MECR: variants seen among roughly 807,000 people sequenced by gnomAD.
MECR encodes mitochondrial trans-2-enoyl-CoA reductase, also known as enoyl-[acyl-carrier-protein] reductase, mitochondrial.
In MECR, 37 loss-of-function variants were observed where a neutral mutation model predicts 49.1. The observed-to-expected ratio is 0.75, with a 90% CI of 0.58 to 0.99. MECR has a LOEUF of 0.99. Ranked by LOEUF, MECR falls within the 50% of genes least tolerant of loss-of-function variation. The probability of loss-of-function intolerance (pLI) is 0.00; values close to 1 mark genes in which losing one functional copy is unlikely to be tolerated. For synonymous variants in MECR, 198 were observed against 191.1 expected (o/e 1.04, Z -0.30); for missense variants, 470 against 479.6 (o/e 0.98, Z 0.19).
At chr1:29,183,125 T>TAC in the MECR span, among the ~76,000 whole-genome samples, 1 of 152,250 alleles carries the variant, frequency 6.6e-6, no homozygotes. Flanking sequence ...ACCAGCCACT[T>TAC]AGTTTCTCTT....
chr1:29,187,355 G>C, the MECR span, among the ~76,000 whole-genome samples: 2 of 151,844 alleles, frequency 1.3e-5, no homozygotes, highest in African/African-American at 4.8e-5. Flanking sequence ...TGGGACTACA[G>C]GCATGAGCCA....
At chr1:29,170,294 A>G in the MECR span, 1 of 152,228 alleles carries the variant, frequency 6.6e-6, no homozygotes, top group Non-Finnish European at 1.5e-5. Context: ...ATTTAGAATA[A>G]AACTCTTGGG....
the MECR span, chr1:29,170,589 C>T: frequency 1.1e-4 from 16 of 152,058 alleles, no homozygotes; most frequent in African/African-American, 3.1e-4. Flanking sequence ...GATGCCACTC[C>T]CTATGCTTTT....
intron 3 of MECR, among the ~76,000 whole-genome samples, chr1:29,215,115 G>A (rs1036625576): frequency 1.1e-4 from 17 of 152,180 alleles, no homozygotes; most frequent in East Asian, 1.9e-4. Flanking sequence ...CTGGGCTCAC[G>A]TGATTGAACC....
downstream of MECR, among the ~76,000 whole-genome samples, chr1:29,190,840 C>T (rs115423512): frequency 0.019 from 2,811 of 151,876 alleles, 40 homozygotes; most frequent in South Asian, 0.035. Context: ...GAAACTGACG[C>T]CTAACACCTC....
chr1:29,192,314 A>G (rs1346815273), downstream of MECR, among the ~76,000 whole-genome samples: 1 of 151,452 alleles, frequency 6.6e-6, no homozygotes, highest in Non-Finnish European at 1.5e-5. Context: ...AGGCCTCTAA[A>G]CTCTCATGTG....
chr1:29,190,253 T>C (rs573381121), downstream of MECR, among the ~76,000 whole-genome samples: 23 of 152,138 alleles, frequency 1.5e-4, no homozygotes, highest in South Asian at 4.8e-3. Flanking sequence ...CAGGCGCCTG[T>C]AGTCCCAGCT....
At chr1:29,219,172 T>C (rs1680180885) in intron 1 of MECR, among the ~76,000 whole-genome samples, 1 of 152,196 alleles carries the variant, frequency 6.6e-6, no homozygotes, top group South Asian at 2.1e-4. Flanking sequence ...CAGATAGTGA[T>C]GTTTCACTCT....
the MECR span, among the ~76,000 whole-genome samples, chr1:29,182,641 TCAAGCGA>T: frequency 1.7e-4 from 26 of 152,192 alleles, no homozygotes; most frequent in South Asian, 5.4e-3. Flanking sequence ...CCTCCCGGGT[TCAAGCGA>T]TTCTCCTGCC....
chr1:29,226,512 G>A (rs1200668140), intron 1 of MECR, among the ~76,000 whole-genome samples: 1 of 152,122 alleles, frequency 6.6e-6, no homozygotes, highest in Admixed American at 6.6e-5. Flanking sequence ...CAGAAGGATC[G>A]CTTGAGCTGA....
the MECR span, among the ~76,000 whole-genome samples, chr1:29,179,964 A>G: frequency 1.3e-5 from 2 of 152,358 alleles, no homozygotes; most frequent in Non-Finnish European, 2.9e-5. Flanking sequence ...CCTGAGTAAC[A>G]TTAGAAAAGA....
downstream of MECR, among the ~76,000 whole-genome samples, chr1:29,191,164 G>A (rs140694551): frequency 6.6e-5 from 10 of 152,216 alleles, no homozygotes; most frequent in Non-Finnish European, 1.0e-4. Context: ...CATTCTGCAC[G>A]TTCCTCCAGA....
At chr1:29,203,363 G>T in intron 4 of MECR, 130 bp from the exon 5 acceptor site, 1 of 637,230 alleles carries the variant, frequency 1.6e-6, no homozygotes, top group Non-Finnish European at 2.7e-6. Flanking sequence ...CCTGGCTGCT[G>T]AGTCTTCTCA....
the MECR span, among the ~76,000 whole-genome samples, chr1:29,184,039 C>T: frequency 7.8e-3 from 1,160 of 147,808 alleles, 12 homozygotes; most frequent in Middle Eastern, 0.053. Context: ...CCACCACGCC[C>T]GGCTAATTTT....
intron 6 of MECR, among the ~76,000 whole-genome samples, chr1:29,200,974 T>C (rs188434882): frequency 6.6e-6 from 1 of 152,066 alleles, no homozygotes; most frequent in African/African-American, 2.4e-5. Context: ...AAATGTTTTT[T>C]TGTAGAGACA....
intron 5 of MECR, among the ~76,000 whole-genome samples, chr1:29,202,601 C>G (rs1458938485): frequency 6.6e-6 from 1 of 152,108 alleles, no homozygotes; most frequent in Admixed American, 6.6e-5. Context: ...AGTGAGGAAA[C>G]CGAGTCTATT....
At chr1:29,172,034 T>G in the MECR span, 3 of 152,088 alleles carry the variant, frequency 2.0e-5, no homozygotes, top group Admixed American at 6.6e-5. Flanking sequence ...TGGTATTATC[T>G]CTTGGCATTG....
chr1:29,206,212 T>C (rs1676537610), intron 4 of MECR, among the ~76,000 whole-genome samples: 1 of 152,176 alleles, frequency 6.6e-6, no homozygotes, highest in South Asian at 2.1e-4. Context: ...GAGAGGCAAA[T>C]TCACAGTCAG....
chr1:29,170,243 A>T, the MECR span: 2 of 152,038 alleles, frequency 1.3e-5, no homozygotes, highest in East Asian at 3.8e-4. Context: ...ACAAATTAAA[A>T]ACGATTTGAA....
Sources: gnomAD v4.1 joint callset for allele counts (sites outside exome capture counted in the v4.1 genomes callset) on GRCh38, gnomAD v4.1.1 for gene constraint, MANE v1.5 for transcripts, NCBI Gene and HGNC (gene_info 2026-07-23, HGNC 2026-07-21) for gene names.